The following CCDC148 variants were observed in gnomAD, a reference collection of about 807,000 sequenced individuals.
The protein encoded by CCDC148 is coiled-coil domain containing 148, also known as coiled-coil domain-containing protein 148.
CCDC148 carries 89 observed loss-of-function variants against 85.7 expected under a neutral mutation model. That is an observed-to-expected ratio of 1.04 (90% CI 0.87 to 1.24). CCDC148 has a LOEUF of 1.24. Among genes scored for constraint, CCDC148 ranks in the 50% most tolerant of loss-of-function variants. The pLI, the probability that CCDC148 is intolerant of heterozygous loss-of-function variation, is 0.00. For synonymous variants in CCDC148, 230 were observed against 213.9 expected, an observed-to-expected ratio of 1.08 and a Z score of -0.66; for missense variants, 692 against 671.7, an observed-to-expected ratio of 1.03 and a Z score of -0.33.
intron 1 of CCDC148, among the ~76,000 whole-genome samples, chr2:158,362,719 G>C (rs943071166): frequency 2.0e-5 from 3 of 152,116 alleles, no homozygotes; most frequent in African/African-American, 7.2e-5. Context: ...GAAAGCATGG[G>C]AAAGATCTAA....
chr2:158,262,759 C>T (rs1258102109), intron 9 of CCDC148, among the ~76,000 whole-genome samples: 1 of 151,866 alleles, frequency 6.6e-6, no homozygotes, highest in Admixed American at 6.6e-5. Context: ...GAGAAAGCCG[C>T]CCCCATGATC....
chr2:158,366,548 A>G (rs1188860217), intron 1 of CCDC148, among the ~76,000 whole-genome samples: 1 of 152,140 alleles, frequency 6.6e-6, no homozygotes, highest in Non-Finnish European at 1.5e-5. Flanking sequence ...CACCCCCTTC[A>G]GGTTAGGACT....
At chr2:158,254,218 A>G (rs1211220018) in intron 9 of CCDC148, among the ~76,000 whole-genome samples, 1 of 151,764 alleles carries the variant, frequency 6.6e-6, no homozygotes, top group Non-Finnish European at 1.5e-5. Flanking sequence ...TTCAATACTG[A>G]TTAGTTAGTT....
At chr2:158,197,550 CCTGT>C (rs1295383908) in intron 11 of CCDC148, among the ~76,000 whole-genome samples, 1 of 152,090 alleles carries the variant, frequency 6.6e-6, no homozygotes, top group Non-Finnish European at 1.5e-5. Context: ...AAAGAAACAT[CCTGT>C]CTAAAACCCC....
At chr2:158,432,205 CA>C (rs1687385711) in intron 1 of CCDC148, among the ~76,000 whole-genome samples, 1 of 146,554 alleles carries the variant, frequency 6.8e-6, no homozygotes, top group Non-Finnish European at 1.5e-5. Flanking sequence ...CAGAAAAAGG[CA>C]AAGAAAATTA....
At position 158,331,909 on chromosome 2, in the gene CCDC148, A is replaced by T. The variant is rs544716283; in HGVS notation, c.764+6817T>A. Among the ~76,000 whole-genome samples the T allele has an allele frequency of 1.0e-3, 154 of 152,200 alleles. 1 individual carries two copies. In the South Asian group the frequency reaches 0.016, roughly 16 times the overall value. ...TTGAGCCTATGTGTGTCTCTGCACG[A>T]GAGATGGGTTTCCTGAATACAGCAC... On this transcript the variant is annotated intron_variant, in intron 7 of 13. Transcript: ENST00000283233.
intron 1 of CCDC148, among the ~76,000 whole-genome samples, chr2:158,432,395 A>G (rs1003188567): frequency 6.6e-6 from 1 of 152,214 alleles, no homozygotes; most frequent in Non-Finnish European, 1.5e-5. Context: ...TTAAATACAA[A>G]CAAAAGTATG....
intron 9 of CCDC148, among the ~76,000 whole-genome samples, chr2:158,308,142 C>A (rs1369036791): frequency 6.6e-6 from 1 of 152,142 alleles, no homozygotes; most frequent in Non-Finnish European, 1.5e-5. Flanking sequence ...TTGGTTGAAC[C>A]ATATGAAATT....
At chr2:158,285,013 C>T (rs1690548057) in intron 9 of CCDC148, among the ~76,000 whole-genome samples, 4 of 152,164 alleles carry the variant, frequency 2.6e-5, no homozygotes, top group African/African-American at 4.8e-5. Flanking sequence ...TTAGGCTGGG[C>T]GTGGTGGCTC....
At chr2:158,431,834 T>C (rs1296193143) in intron 1 of CCDC148, among the ~76,000 whole-genome samples, 5 of 151,976 alleles carry the variant, frequency 3.3e-5, no homozygotes, top group Admixed American at 2.6e-4. Context: ...GCTATTTGTG[T>C]GGCTGAGGCA....
intron 9 of CCDC148, among the ~76,000 whole-genome samples, chr2:158,258,985 C>T (rs56395844): frequency 0.024 from 3,661 of 151,862 alleles, 140 homozygotes; most frequent in African/African-American, 0.084. Flanking sequence ...CTCATAATCC[C>T]ACACCAATTA....
At chr2:158,373,043 G>A (rs1684514372) in intron 1 of CCDC148, among the ~76,000 whole-genome samples, 2 of 152,068 alleles carry the variant, frequency 1.3e-5, no homozygotes, top group African/African-American at 2.4e-5. Flanking sequence ...ATCAACTGAT[G>A]TTATATAAAA....
intron 1 of CCDC148, among the ~76,000 whole-genome samples, chr2:158,446,096 C>T (rs182555501): frequency 6.6e-4 from 100 of 152,186 alleles, no homozygotes; most frequent in Admixed American, 1.1e-3. Flanking sequence ...ATCTGTAATC[C>T]CAACACTTTG....
intron 7 of CCDC148, among the ~76,000 whole-genome samples, chr2:158,324,685 G>A (rs1297741534): frequency 6.6e-6 from 1 of 152,004 alleles, no homozygotes; most frequent in East Asian, 1.9e-4. Context: ...ATATTAAAAT[G>A]CTCATTTCTC....
At chr2:158,225,044 G>C (rs1245678423) in intron 10 of CCDC148, among the ~76,000 whole-genome samples, 1 of 152,212 alleles carries the variant, frequency 6.6e-6, no homozygotes, top group Non-Finnish European at 1.5e-5. Flanking sequence ...TCAGTGTGCT[G>C]TATTCACGAA....
chr2:158,399,899 T>C (rs1192760141), intron 1 of CCDC148, among the ~76,000 whole-genome samples: 2 of 151,472 alleles, frequency 1.3e-5, no homozygotes, highest in Non-Finnish European at 3.0e-5. Flanking sequence ...AGCATTCCTA[T>C]ACACAACATA....
At chr2:158,275,538 G>A (rs1293893060) in intron 9 of CCDC148, among the ~76,000 whole-genome samples, 1 of 152,040 alleles carries the variant, frequency 6.6e-6, no homozygotes, top group Non-Finnish European at 1.5e-5. Context: ...TTATACTAGG[G>A]AATTTATATG....
chr2:158,178,797 C>G, intron 12 of CCDC148, 82 bp downstream of exon 12: 2 of 919,672 alleles, frequency 2.2e-6, no homozygotes, highest in Non-Finnish European at 3.5e-6. Context: ...ATGAACTAAG[C>G]CCCAGTAAGA....
At chr2:158,275,853 C>A (rs1199459133) in intron 9 of CCDC148, among the ~76,000 whole-genome samples, 1 of 152,030 alleles carries the variant, frequency 6.6e-6, no homozygotes, top group Non-Finnish European at 1.5e-5. Flanking sequence ...AAGTTCCAGA[C>A]AGACTCTTCT....
Sources: gnomAD v4.1 joint callset for allele counts (sites outside exome capture counted in the v4.1 genomes callset) on GRCh38, gnomAD v4.1.1 for gene constraint, MANE v1.5 for transcripts, NCBI Gene and HGNC (gene_info 2026-07-23, HGNC 2026-07-21) for gene names.